Variants in PTK2 observed in about 807,000 individuals in gnomAD.
PTK2 encodes focal adhesion kinase 1.
PTK2 carries 45 observed loss-of-function variants against 150.1 expected under a neutral mutation model. The observed-to-expected ratio is 0.30, with a 90% confidence interval of 0.24 to 0.38. PTK2 has a LOEUF of 0.38. Among genes scored for constraint, PTK2 ranks in the 10% least tolerant of loss-of-function variants. The pLI is 1.00. For missense variants in PTK2, 919 were observed against 1,307.3 expected (o/e 0.70, Z 4.58); for synonymous variants, 432 against 449.2 (o/e 0.96, Z 0.48).
intron 10 of PTK2, among the ~76,000 whole-genome samples, chr8:140,813,433 C>A (rs1465513674): frequency 1.3e-5 from 2 of 150,614 alleles, no homozygotes; most frequent in East Asian, 1.9e-4. Flanking sequence ...GAACTGAAAT[C>A]ATAATAAACA....
chr8:140,711,528 A>G (rs1013004198), intron 23 of PTK2, among the ~76,000 whole-genome samples: 2 of 152,212 alleles, frequency 1.3e-5, no homozygotes, highest in African/African-American at 4.8e-5. Context: ...GTTTGTATAG[A>G]TATTTTGTAT....
intron 8 of PTK2, among the ~76,000 whole-genome samples, chr8:140,827,875 T>C (rs560593312): frequency 6.6e-6 from 1 of 152,046 alleles, no homozygotes; most frequent in Admixed American, 6.5e-5. Context: ...ACTACATAAT[T>C]AAAAATTGAG....
intron 1 of PTK2, among the ~76,000 whole-genome samples, chr8:140,988,843 G>A (rs1243155143): frequency 6.6e-6 from 1 of 151,918 alleles, no homozygotes; most frequent in Non-Finnish European, 1.5e-5. Flanking sequence ...ATGGTGTTGG[G>A]ATAACTAGAT....
At chr8:140,959,655 G>C (rs2100182421) in intron 1 of PTK2, among the ~76,000 whole-genome samples, 1 of 151,404 alleles carries the variant, frequency 6.6e-6, no homozygotes, top group South Asian at 2.1e-4. Flanking sequence ...AAAGATATAT[G>C]AGTATCACCA....
chr8:140,837,015 C>A (rs1187123745), intron 7 of PTK2, among the ~76,000 whole-genome samples: 3 of 152,100 alleles, frequency 2.0e-5, no homozygotes, highest in Admixed American at 1.3e-4. Context: ...TATTAGAAAT[C>A]CTAATTTTAA....
chr8:140,906,334 A>G (rs2100160853), intron 2 of PTK2, among the ~76,000 whole-genome samples: 2 of 152,200 alleles, frequency 1.3e-5, no homozygotes, highest in African/African-American at 4.8e-5. Context: ...AGCAATCCCA[A>G]TACTGAATAC....
Position 140,744,060 on chromosome 8 carries a change from A to AGTGCGGTG in PTK2, c.1634+591_1634+592insCACCGCAC, listed in dbSNP as rs1274503321. ...CCAAAGTGCTGGGACTACAGCTATG[A>AGTGCGGTG]GCCACCGCGCCCGGCCTATTTCTTT... is the stretch of plus-strand genomic sequence containing the variant. On this transcript the variant is annotated intron_variant, in intron 19 of 31. Transcript: ENST00000522684. Among the ~76,000 whole-genome samples, 498 of 67,098 alleles carry AGTGCGGTG rather than the reference A, an allele frequency of 7.4e-3. 2 individuals carry two copies. The highest frequency in any genetic ancestry group is 0.014 in the Middle Eastern group (2 of 142). 44.0% of individuals were successfully genotyped at this position (67,098 alleles called of 152,430 possible). A position where few individuals can be genotyped will look rare whatever the true frequency, so the allele number is the denominator to read the frequency against.
chr8:140,923,066 T>C (rs1002289228), intron 2 of PTK2, among the ~76,000 whole-genome samples: 4 of 152,148 alleles, frequency 2.6e-5, no homozygotes, highest in Non-Finnish European at 5.9e-5. Context: ...AAGTGACCAG[T>C]AGATGGGGGC....
At chr8:140,691,920 A>T (rs1042080706) in intron 26 of PTK2, among the ~76,000 whole-genome samples, 1 of 152,198 alleles carries the variant, frequency 6.6e-6, no homozygotes, top group Non-Finnish European at 1.5e-5. Context: ...CACAGCTCTT[A>T]AACAGTGGAG....
intron 1 of PTK2, among the ~76,000 whole-genome samples, chr8:140,933,960 C>T (rs1044193622): frequency 1.3e-5 from 2 of 149,978 alleles, no homozygotes; most frequent in African/African-American, 2.5e-5. Context: ...GAAAAGGAGC[C>T]GATAAATATA....
chr8:140,902,924 G>GTTTTTTGTTTT (rs2100159140), intron 2 of PTK2, among the ~76,000 whole-genome samples: 16 of 58,928 alleles, frequency 2.7e-4, no homozygotes, highest in East Asian at 3.9e-4. Context: ...GATGAGAGTT[G>GTTTTTTGTTTT]TTTTTTTTTT....
chr8:140,717,728 G>T lies in PTK2; in HGVS notation c.2031-19C>A. 6.2e-7 allele frequency: 1 copy of T among 1,603,826 alleles called. No homozygotes were observed. Among genetic ancestry groups the T allele is most frequent in the Non-Finnish European group, 8.5e-7 (1 of 1,170,826 alleles). ...GATTGTGCTAGAGAGACAACACATT[G>T]TCTTAGGGGAGCTGACAACCCAGAG... On this transcript the variant is annotated intron_variant, in intron 22 of 31. Transcript: ENST00000522684.
intron 1 of PTK2, among the ~76,000 whole-genome samples, chr8:140,927,934 CAAAAAGAAAAAAAAAAAA>C (rs1215115584): frequency 3.5e-5 from 1 of 28,290 alleles, no homozygotes; most frequent in African/African-American, 1.4e-4. Flanking sequence ...AACTCCATCT[CAAAAAGAAAAAAAAAAAA>C]AAAAAGAAAA....
At chr8:140,983,138 G>A (rs2154609981) in intron 1 of PTK2, among the ~76,000 whole-genome samples, 1 of 152,194 alleles carries the variant, frequency 6.6e-6, no homozygotes, top group South Asian at 2.1e-4. Context: ...TGCAATCCCA[G>A]CACTTTGGGA....
chr8:140,724,351 T>C (rs1029420021), intron 22 of PTK2, among the ~76,000 whole-genome samples: 1 of 152,224 alleles, frequency 6.6e-6, no homozygotes, highest in Admixed American at 6.5e-5. Flanking sequence ...GAAAGAACTG[T>C]GTTTTTGTCT....
Position 140,841,377 on chromosome 8 carries a change from C to T in PTK2, c.593+4883G>A, listed in dbSNP as rs116525956. On this transcript the variant is annotated intron_variant, in intron 7 of 31. Coordinates refer to ENST00000522684, the Ensembl canonical transcript of PTK2. ...AGAAGTCTCCATAAAAGTTGAGAAGCTCTTATCACACAGACCACGCTATCT... is the reference window on the plus strand; with the variant it reads ...AGAAGTCTCCATAAAAGTTGAGAAGTTCTTATCACACAGACCACGCTATCT... Among the ~76,000 whole-genome samples, 685 of 152,192 alleles carry T rather than the reference C, an allele frequency of 4.5e-3. 4 individuals are homozygous for T. The highest frequency in any genetic ancestry group is 0.016 in the African/African-American group (648 of 41,530).
At chr8:140,976,120 A>G (rs2100189180) in intron 1 of PTK2, among the ~76,000 whole-genome samples, 1 of 152,234 alleles carries the variant, frequency 6.6e-6, no homozygotes, top group Admixed American at 6.5e-5. Flanking sequence ...GGACTTGAGA[A>G]GCACAGAAAC....
chr8:140,939,655 T>C (rs966929749), intron 1 of PTK2, among the ~76,000 whole-genome samples: 12 of 152,212 alleles, frequency 7.9e-5, no homozygotes, highest in African/African-American at 2.9e-4. Context: ...CCAAACACCA[T>C]TATTCTACCA....
intron 2 of PTK2, among the ~76,000 whole-genome samples, chr8:140,917,012 T>C (rs1170454738): frequency 6.6e-6 from 1 of 152,262 alleles, no homozygotes; most frequent in Admixed American, 6.5e-5. Flanking sequence ...GCATGGCATG[T>C]AGTATTTCTG....
Sources: gnomAD v4.1 joint callset for allele counts (sites outside exome capture counted in the v4.1 genomes callset) on GRCh38, gnomAD v4.1.1 for gene constraint, MANE v1.5 for transcripts, NCBI Gene and HGNC (gene_info 2026-07-23, HGNC 2026-07-21) for gene names.